VPS13D: variants seen among roughly 807,000 people sequenced by gnomAD.
VPS13D encodes intermembrane lipid transfer protein VPS13D.
A neutral mutation model predicts 461.9 loss-of-function variants in VPS13D; 187 were observed. The observed-to-expected ratio is 0.40, with a 90% CI of 0.36 to 0.46. The LOEUF is 0.46. Ranked by LOEUF, VPS13D falls within the 20% of genes least tolerant of loss-of-function variation. The pLI is 0.60. For missense variants in VPS13D, 4,711 were observed against 5,364.9 expected (o/e 0.88, Z 3.81); for synonymous variants, 1,951 against 1,986.3 (o/e 0.98, Z 0.47).
chr1:12,399,554 T>C (rs1418083515), intron 60 of VPS13D, among the ~76,000 whole-genome samples: 1 of 151,938 alleles, frequency 6.6e-6, no homozygotes, highest in Non-Finnish European at 1.5e-5. Context: ...GTGCGGTGGC[T>C]CACGCCTGTA....
chr1:12,376,495 C>T (rs1012792704), intron 55 of VPS13D, among the ~76,000 whole-genome samples: 13 of 152,140 alleles, frequency 8.5e-5, no homozygotes, highest in Admixed American at 6.5e-5. Flanking sequence ...TACTAATAAG[C>T]GTGTTACATT....
rs902139293 is a variant in VPS13D at position 12,341,968 on chromosome 1, C to T, written c.8732+83C>T. The T allele has an allele frequency of 1.6e-5, 19 of 1,203,718 alleles. No homozygotes were observed. In the South Asian group the frequency reaches 2.3e-4, roughly 14 times the overall value. 74.6% of individuals were successfully genotyped at this position (1,203,718 alleles called of 1,614,324 possible). ...CAGCCCAGTAGAGCAAGGTGGGCCC[C>T]CTCTTGAGGCTCTTGGGATGATATT... is the stretch of plus-strand genomic sequence containing the variant. On this transcript the variant is annotated intron_variant, in intron 41 of 69. Coordinates refer to ENST00000620676, the MANE Select transcript of VPS13D (RefSeq NM_015378.4).
chr1:12,359,094 G>A (rs1290433833), intron 50 of VPS13D, among the ~76,000 whole-genome samples: 1 of 152,110 alleles, frequency 6.6e-6, no homozygotes, highest in Admixed American at 6.5e-5. Flanking sequence ...AAATGCACTT[G>A]GTGGTTGTAG....
At chr1:12,435,581 T>C (rs1645049256) in intron 65 of VPS13D, among the ~76,000 whole-genome samples, 1 of 152,130 alleles carries the variant, frequency 6.6e-6, no homozygotes. Flanking sequence ...GGAATGCTAG[T>C]TTGTAAATGA....
chr1:12,478,938 A>G (rs1272602200), intron 67 of VPS13D: 3 of 454,250 alleles, frequency 6.6e-6, no homozygotes, highest in African/African-American at 4.0e-5. Flanking sequence ...TTCCTTCCCC[A>G]TCACCTCGAA....
At chr1:12,310,879 C>T (rs1240351072) in intron 27 of VPS13D, among the ~76,000 whole-genome samples, 2 of 140,018 alleles carry the variant, frequency 1.4e-5, no homozygotes, top group African/African-American at 5.4e-5. Flanking sequence ...TTCCCTCCTT[C>T]CCTCCTTCCC....
rs537338974 is a variant in VPS13D at position 12,509,374 on chromosome 1, G to T, written c.*350G>T. 1.6e-5 allele frequency: 3 copies of T among 193,230 alleles called. No homozygotes were observed. The South Asian group carries it at 4.1e-4, about 27-fold the overall frequency. The allele number at this position is 193,230 out of a possible 1,614,324, so 12.0% of individuals were successfully genotyped here. A position where few individuals can be genotyped will look rare whatever the true frequency, so the allele number is the denominator to read the frequency against. ...ATATATAGGAACGTTTCTGAACAGGGTCTGTGCTATGTGTAAAGGTTTGTT... is the reference window on the plus strand; with the variant it reads ...ATATATAGGAACGTTTCTGAACAGGTTCTGTGCTATGTGTAAAGGTTTGTT... On this transcript the variant is annotated 3_prime_UTR_variant, in exon 70 of 70. Coordinates refer to ENST00000620676, the MANE Select transcript of VPS13D (RefSeq NM_015378.4).
At chr1:12,406,078 A>C (rs1340254147) in intron 63 of VPS13D, among the ~76,000 whole-genome samples, 2 of 151,636 alleles carry the variant, frequency 1.3e-5, no homozygotes, top group Non-Finnish European at 3.0e-5. Flanking sequence ...TTTTCAAATC[A>C]TTGTGAAACA....
At chr1:12,487,835 G>A (rs1645819938) in intron 67 of VPS13D, among the ~76,000 whole-genome samples, 1 of 152,164 alleles carries the variant, frequency 6.6e-6, no homozygotes, top group East Asian at 1.9e-4. Flanking sequence ...AACTTCATTT[G>A]CAGAAAGTGT....
intron 16 of VPS13D, among the ~76,000 whole-genome samples, chr1:12,270,708 T>C (rs1641414227): frequency 1.3e-5 from 2 of 151,992 alleles, no homozygotes; most frequent in Admixed American, 6.6e-5. Flanking sequence ...TAAGAAACTG[T>C]TGTTACTGAT....
At chr1:12,436,935 T>A (rs1272685285) in intron 65 of VPS13D, among the ~76,000 whole-genome samples, 1 of 152,236 alleles carries the variant, frequency 6.6e-6, no homozygotes, top group Admixed American at 6.5e-5. Context: ...CCCAAAGTGC[T>A]GGGATTACAC....
At chr1:12,479,305 G>A (rs1044628472) in intron 67 of VPS13D, among the ~76,000 whole-genome samples, 9 of 152,206 alleles carry the variant, frequency 5.9e-5, no homozygotes, top group African/African-American at 1.4e-4. Flanking sequence ...AGCCAGTCAC[G>A]TTCTTTGGCC....
chr1:12,401,550 C>A, intron 61 of VPS13D, 58 bp from the exon 62 acceptor site: 2 of 1,373,664 alleles, frequency 1.5e-6, no homozygotes, highest in Non-Finnish European at 2.1e-6. Context: ...TTCTTAATAG[C>A]ACAGATGAAT....
chr1:12,455,004 C>CA (rs1339393852), intron 65 of VPS13D, among the ~76,000 whole-genome samples: 10 of 152,330 alleles, frequency 6.6e-5, no homozygotes, highest in Middle Eastern at 3.4e-3. Context: ...TGTGACAAAA[C>CA]AGAGTTTTAT....
intron 59 of VPS13D, 125 bp downstream of exon 59, chr1:12,385,498 C>A: frequency 1.3e-6 from 1 of 741,656 alleles, no homozygotes; most frequent in Non-Finnish European, 2.2e-6. Flanking sequence ...TTACGCTTCA[C>A]AGTGTTTACT....
chr1:12,435,095 C>A (rs1251014131), intron 65 of VPS13D, among the ~76,000 whole-genome samples: 1 of 152,156 alleles, frequency 6.6e-6, no homozygotes, highest in African/African-American at 2.4e-5. Context: ...TTACATTTAT[C>A]TTTATTTCTC....
intron 46 of VPS13D, among the ~76,000 whole-genome samples, chr1:12,353,532 CAAAA>C (rs79787458): frequency 3.6e-4 from 13 of 36,330 alleles, no homozygotes; most frequent in Admixed American, 8.2e-4. Context: ...GACTGCATCT[CAAAA>C]AAAAAAAAAA....
chr1:12,361,277 C>T (rs1643942682), intron 50 of VPS13D, among the ~76,000 whole-genome samples: 1 of 151,740 alleles, frequency 6.6e-6, no homozygotes, highest in African/African-American at 2.4e-5. Context: ...AATGGGTGAC[C>T]AGAGCTCAGC....
At chr1:12,401,842 G>T in intron 62 of VPS13D, 138 bp downstream of exon 62, 1 of 643,842 alleles carries the variant, frequency 1.6e-6, no homozygotes, top group Admixed American at 2.9e-5. Flanking sequence ...GGAAGCTAAG[G>T]CTTGTGTTTC....
Sources: gnomAD v4.1 joint callset for allele counts (sites outside exome capture counted in the v4.1 genomes callset) on GRCh38, gnomAD v4.1.1 for gene constraint, MANE v1.5 for transcripts, NCBI Gene and HGNC (gene_info 2026-07-23, HGNC 2026-07-21) for gene names.